Variants in SLC39A11 observed in about 807,000 individuals in gnomAD.
SLC39A11 encodes the protein zinc transporter ZIP11.
In SLC39A11, 33 loss-of-function variants were observed where a neutral mutation model predicts 36.1. The observed-to-expected ratio is 0.91, with a 90% CI of 0.69 to 1.22. The LOEUF (loss-of-function observed/expected upper bound fraction) is 1.22, where lower values mean the gene tolerates loss of function less well. Ranked by LOEUF, SLC39A11 falls within the 50% of genes most tolerant of loss-of-function variation. The pLI, the probability that SLC39A11 is intolerant of heterozygous loss-of-function variation, is 0.00. For missense variants in SLC39A11, 432 were observed against 430.3 expected (o/e 1.00, Z -0.03); for synonymous variants, 166 against 170.3 (o/e 0.97, Z 0.20).
intron 6 of SLC39A11, among the ~76,000 whole-genome samples, chr17:72,791,374 C>T (rs562629860): frequency 2.0e-5 from 3 of 152,284 alleles, no homozygotes; most frequent in African/African-American, 4.8e-5. Flanking sequence ...ATCGCTTGAA[C>T]CTGGGAGGCA....
chr17:72,897,441 C>T (rs569780931), intron 5 of SLC39A11, among the ~76,000 whole-genome samples: 1 of 152,292 alleles, frequency 6.6e-6, no homozygotes, highest in Admixed American at 6.5e-5. Context: ...ACAAACAGAA[C>T]TTTTCTATTA....
intron 4 of SLC39A11, among the ~76,000 whole-genome samples, chr17:72,949,144 C>CTTTTTTTGTTTTTTTTTT (rs2085663558): frequency 1.1e-4 from 4 of 36,476 alleles, no homozygotes; most frequent in Non-Finnish European, 1.6e-4. Flanking sequence ...CACTGGGCAG[C>CTTTTTTTGTTTTTTTTTT]TTTTTTTTTT....
At chr17:72,844,557 C>A (rs112727330) in intron 6 of SLC39A11, among the ~76,000 whole-genome samples, 3,401 of 152,190 alleles carry the variant, frequency 0.022, 133 homozygotes, top group African/African-American at 0.078. Context: ...TAGTCCCAAC[C>A]ACTTGAGAGG....
chr17:72,798,414 CTTTCTTTT>C (rs1039068601), intron 6 of SLC39A11, among the ~76,000 whole-genome samples: 3 of 140,634 alleles, frequency 2.1e-5, no homozygotes, highest in Admixed American at 7.2e-5. Context: ...CCACTTCTTT[CTTTCTTTT>C]TTTTTTTTTG....
intron 4 of SLC39A11, among the ~76,000 whole-genome samples, chr17:72,956,687 C>T (rs192124819): frequency 2.0e-5 from 3 of 152,124 alleles, no homozygotes; most frequent in South Asian, 2.1e-4. Context: ...CCACTCTGAG[C>T]TTTTTCTGGC....
intron 5 of SLC39A11, among the ~76,000 whole-genome samples, chr17:72,880,724 C>T (rs995371764): frequency 9.9e-5 from 15 of 151,670 alleles, no homozygotes; most frequent in African/African-American, 3.4e-4. Context: ...CTCTGTCACC[C>T]AGGCTGGAGT....
At chr17:72,834,172 G>C (rs953150805) in intron 6 of SLC39A11, among the ~76,000 whole-genome samples, 1 of 152,134 alleles carries the variant, frequency 6.6e-6, no homozygotes, top group African/African-American at 2.4e-5. Flanking sequence ...TCTACATCTT[G>C]TGTTGTCCAA....
At chr17:72,894,063 T>C (rs1471605055) in intron 5 of SLC39A11, among the ~76,000 whole-genome samples, 2 of 151,782 alleles carry the variant, frequency 1.3e-5, no homozygotes, top group African/African-American at 2.4e-5. Context: ...TCATGATAAA[T>C]AGAAAATTAC....
chr17:72,861,903 T>C (rs1260086192), intron 5 of SLC39A11, among the ~76,000 whole-genome samples: 2 of 150,846 alleles, frequency 1.3e-5, no homozygotes, highest in South Asian at 2.1e-4. Flanking sequence ...TGAAATAGCA[T>C]GAGACAGCTA....
intron 5 of SLC39A11, among the ~76,000 whole-genome samples, chr17:72,915,993 G>A (rs1404642905): frequency 2.0e-5 from 3 of 152,108 alleles, no homozygotes; most frequent in Non-Finnish European, 2.9e-5. Flanking sequence ...AGTAATACTC[G>A]AGTACACAAA....
intron 4 of SLC39A11, among the ~76,000 whole-genome samples, chr17:73,011,304 G>T (rs967503505): frequency 2.0e-5 from 3 of 152,232 alleles, no homozygotes; most frequent in Non-Finnish European, 2.9e-5. Flanking sequence ...CGGAAGGATG[G>T]CAAGAGATAA....
intron 3 of SLC39A11, among the ~76,000 whole-genome samples, chr17:73,070,848 T>C (rs1415124101): frequency 6.6e-6 from 1 of 152,182 alleles, no homozygotes; most frequent in Admixed American, 6.5e-5. Flanking sequence ...CTTTCTGCCA[T>C]GATTGTGAGG....
intron 3 of SLC39A11, among the ~76,000 whole-genome samples, chr17:73,057,754 A>T (rs923074032): frequency 6.6e-6 from 1 of 152,218 alleles, no homozygotes; most frequent in Non-Finnish European, 1.5e-5. Flanking sequence ...CCTGGCGAAC[A>T]TGGTGAAACC....
intron 4 of SLC39A11, among the ~76,000 whole-genome samples, chr17:72,952,722 C>T (rs1436584506): frequency 1.3e-5 from 2 of 152,194 alleles, no homozygotes; most frequent in Non-Finnish European, 2.9e-5. Context: ...ATCCATATTA[C>T]CTCACTCAAT....
At chr17:72,792,831 A>C (rs1164923644) in intron 6 of SLC39A11, among the ~76,000 whole-genome samples, 1 of 152,150 alleles carries the variant, frequency 6.6e-6, no homozygotes, top group African/African-American at 2.4e-5. Flanking sequence ...CTGGAAATTA[A>C]TAAGGACATA....
chr17:72,834,386 C>G lies in SLC39A11; in HGVS notation c.601+15248G>C, dbSNP rs2078424879. Among the ~76,000 whole-genome samples the G allele has an allele frequency of 2.0e-5, 3 of 152,224 alleles. 1 individual carries two copies. In the South Asian group the frequency reaches 6.2e-4, roughly 32 times the overall value. The stretch of plus-strand genomic sequence containing the variant: ...CCTATAATCCCAGCACTTTGGGAAG[C>G]TGAGGCGGGTGGATCACCTGAGGTC... On this transcript the variant is annotated intron_variant, in intron 6 of 9. Coordinates refer to ENST00000255559, the MANE Select transcript of SLC39A11 (RefSeq NM_139177.4).
chr17:72,778,579 C>T (rs1391787689), intron 6 of SLC39A11, among the ~76,000 whole-genome samples: 1 of 152,206 alleles, frequency 6.6e-6, no homozygotes, highest in Admixed American at 6.5e-5. Flanking sequence ...TACTGTGTGA[C>T]AACACAAAAT....
chr17:72,712,786 A>C (rs1352669235), intron 7 of SLC39A11: 3 of 152,252 alleles, frequency 2.0e-5, no homozygotes, highest in East Asian at 1.9e-4. Flanking sequence ...CATTTTTTAA[A>C]AAAATTTTTA....
chr17:73,079,707 C>G (rs147385494), intron 3 of SLC39A11, among the ~76,000 whole-genome samples: 5 of 152,142 alleles, frequency 3.3e-5, no homozygotes, highest in Non-Finnish European at 2.9e-5. Context: ...AGTCAAACAT[C>G]GCTGTTTGCC....
Sources: gnomAD v4.1 joint callset for allele counts (sites outside exome capture counted in the v4.1 genomes callset) on GRCh38, gnomAD v4.1.1 for gene constraint, MANE v1.5 for transcripts, NCBI Gene and HGNC (gene_info 2026-07-23, HGNC 2026-07-21) for gene names.